DLG2: variants seen among roughly 807,000 people sequenced by gnomAD.
The protein encoded by DLG2 is discs large MAGUK scaffold protein 2.
In DLG2, 45 loss-of-function variants were observed where a neutral mutation model predicts 132.5. The ratio of observed to expected loss-of-function variants is 0.34; its 90% confidence interval spans 0.27 to 0.44. The LOEUF is 0.44. Among genes scored for constraint, DLG2 ranks in the 20% least tolerant of loss-of-function variants. The pLI, the probability that DLG2 is intolerant of heterozygous loss-of-function variation, is 1.00. For synonymous variants in DLG2, 424 were observed against 419.6 expected (o/e 1.01, Z -0.13); for missense variants, 1,045 against 1,196.9 (o/e 0.87, Z 1.87).
intron 8 of DLG2, among the ~76,000 whole-genome samples, chr11:84,166,514 A>AG (rs1555391509): frequency 2.7e-5 from 4 of 149,452 alleles, no homozygotes; most frequent in South Asian, 2.1e-4. Context: ...AAAAAAAAAA[A>AG]AAAAAAGAAA....
chr11:83,736,039 C>T (rs548475292), intron 18 of DLG2, among the ~76,000 whole-genome samples: 45 of 152,188 alleles, frequency 3.0e-4, no homozygotes, highest in Non-Finnish European at 4.4e-4. Flanking sequence ...CAGTATAAAA[C>T]TACAGATCTG....
At position 83,716,035 on chromosome 11, in the gene DLG2, T is replaced by C. The variant is rs141284815; in HGVS notation, c.1825+70655A>G. On this transcript the variant is annotated intron_variant, in intron 18 of 27. Transcript: ENST00000376104. ...TGCCCCCAAACTGGATTCTAAGCTCTGTGAGGATGGAGGTCATGTTTGATT... is the reference window on the plus strand; with the variant it reads ...TGCCCCCAAACTGGATTCTAAGCTCCGTGAGGATGGAGGTCATGTTTGATT... Among the ~76,000 whole-genome samples the C allele has an allele frequency of 7.2e-5, 11 of 152,308 alleles. No individual in the cohort carries two copies. In the South Asian group the frequency reaches 1.0e-3, roughly 14 times the overall value.
At chr11:84,037,841 A>G (rs1361655053) in intron 11 of DLG2, among the ~76,000 whole-genome samples, 1 of 152,104 alleles carries the variant, frequency 6.6e-6, no homozygotes, top group African/African-American at 2.4e-5. Flanking sequence ...TTAACTGGTT[A>G]TAATTTCATG....
intron 4 of DLG2, among the ~76,000 whole-genome samples, chr11:85,251,991 C>T (rs368869343): frequency 5.3e-5 from 8 of 152,122 alleles, no homozygotes; most frequent in East Asian, 3.9e-4. Context: ...TCCACCTGTG[C>T]GCTTATATAA....
chr11:84,935,855 C>T (rs1252655345), intron 6 of DLG2, among the ~76,000 whole-genome samples: 1 of 152,208 alleles, frequency 6.6e-6, no homozygotes, highest in African/African-American at 2.4e-5. Flanking sequence ...TATCCTGTGT[C>T]AGCTTAAGTG....
intron 5 of DLG2, among the ~76,000 whole-genome samples, chr11:85,145,488 A>G (rs1490699322): frequency 6.6e-6 from 1 of 151,328 alleles, no homozygotes; most frequent in Non-Finnish European, 1.5e-5. Flanking sequence ...TGTTTTCTAG[A>G]TCTCATAGGT....
At chr11:85,515,425 C>A (rs2094152052) in intron 3 of DLG2, among the ~76,000 whole-genome samples, 2 of 151,938 alleles carry the variant, frequency 1.3e-5, no homozygotes, top group East Asian at 3.8e-4. Flanking sequence ...CCACAACTTA[C>A]TAGCTGTGTA....
chr11:83,725,368 G>A (rs895076210), intron 18 of DLG2: 2 of 159,326 alleles, frequency 1.3e-5, no homozygotes, highest in Admixed American at 1.2e-4. Flanking sequence ...AAATGTGGAA[G>A]AGAGTAAACA....
intron 7 of DLG2, among the ~76,000 whole-genome samples, chr11:84,391,005 C>G (rs529872609): frequency 6.6e-6 from 1 of 152,244 alleles, no homozygotes; most frequent in African/African-American, 2.4e-5. Flanking sequence ...ACTGCTTATG[C>G]TAATTCTCTT....
chr11:85,461,681 C>T (rs2153057947), intron 3 of DLG2, among the ~76,000 whole-genome samples: 1 of 152,220 alleles, frequency 6.6e-6, no homozygotes, highest in Middle Eastern at 3.4e-3. Context: ...CTTCCCCAAG[C>T]CACATGCAGC....
chr11:84,635,614 A>G (rs559724282), intron 6 of DLG2, among the ~76,000 whole-genome samples: 16 of 152,012 alleles, frequency 1.1e-4, no homozygotes, highest in Non-Finnish European at 2.1e-4. Flanking sequence ...TTTGTTTAGG[A>G]CCTTAACTAT....
chr11:85,193,134 A>G (rs1452988464), intron 4 of DLG2, among the ~76,000 whole-genome samples: 2 of 152,122 alleles, frequency 1.3e-5, no homozygotes, highest in African/African-American at 2.4e-5. Context: ...TTCTATCTCT[A>G]TGAATTTGCC....
chr11:83,617,400 T>C (rs1206996923), intron 19 of DLG2, among the ~76,000 whole-genome samples: 1 of 152,234 alleles, frequency 6.6e-6, no homozygotes, highest in Non-Finnish European at 1.5e-5. Flanking sequence ...TCACTCCTAC[T>C]GTCAATGATA....
intron 7 of DLG2, among the ~76,000 whole-genome samples, chr11:84,371,039 A>G (rs2098704163): frequency 1.3e-5 from 2 of 152,224 alleles, no homozygotes; most frequent in African/African-American, 4.8e-5. Flanking sequence ...ACTTATGTCC[A>G]AAGGACCAAA....
At chr11:85,059,471 G>A (rs1393490952) in intron 6 of DLG2, among the ~76,000 whole-genome samples, 1 of 151,596 alleles carries the variant, frequency 6.6e-6, no homozygotes. Context: ...ACCAGATTTA[G>A]TCATAATAGC....
chr11:83,993,384 A>G (rs1189918453), intron 11 of DLG2, among the ~76,000 whole-genome samples: 1 of 152,198 alleles, frequency 6.6e-6, no homozygotes, highest in African/African-American at 2.4e-5. Flanking sequence ...GGGAAAAAGT[A>G]TATGTTGAGC....
chr11:85,214,854 C>A (rs1334844636), intron 4 of DLG2, among the ~76,000 whole-genome samples: 2 of 151,988 alleles, frequency 1.3e-5, no homozygotes, highest in African/African-American at 2.4e-5. Flanking sequence ...AAGACTTTTC[C>A]ATTTATTTGC....
chr11:83,541,562 T>C (rs1318375435), intron 20 of DLG2, 120 bp downstream of exon 20: 3 of 919,508 alleles, frequency 3.3e-6, no homozygotes, highest in South Asian at 2.2e-5. Flanking sequence ...TTCCTGCAGA[T>C]TGACTATCCC....
chr11:85,047,938 T>G (rs1462553385), intron 6 of DLG2, among the ~76,000 whole-genome samples: 1 of 151,876 alleles, frequency 6.6e-6, no homozygotes, highest in African/African-American at 2.4e-5. Context: ...GTTTTACCTG[T>G]TATCTCCACG....
Sources: allele counts gnomAD v4.1 joint callset (sites outside exome capture counted in the v4.1 genomes callset), GRCh38; gene constraint gnomAD v4.1.1; transcripts MANE v1.5; gene names NCBI Gene and HGNC (gene_info 2026-07-23, HGNC 2026-07-21).